The following UBE2G1 variants were observed in gnomAD, a reference collection of about 807,000 sequenced individuals.
UBE2G1 encodes the protein ubiquitin-conjugating enzyme E2 G1.
UBE2G1 carries 5 observed loss-of-function variants against 22.7 expected under a neutral mutation model. That is an observed-to-expected ratio of 0.22 (90% confidence interval 0.12 to 0.46). The LOEUF (loss-of-function observed/expected upper bound fraction) is 0.46, where lower values mean the gene tolerates loss of function less well. UBE2G1 is among the 20% of genes least tolerant of loss of function. The pLI is 0.99. For missense variants in UBE2G1, 88 were observed against 203.9 expected (o/e 0.43, Z 3.46); for synonymous variants, 74 against 67.5 (o/e 1.10, Z -0.47).
chr17:4,280,238 T>C (rs1434169351), intron 5 of UBE2G1, among the ~76,000 whole-genome samples: 2 of 150,630 alleles, frequency 1.3e-5, no homozygotes, highest in East Asian at 2.0e-4. Context: ...GGTTTCACCA[T>C]GTTGGCCAGG....
chr17:4,334,595 G>A (rs1969622779), intron 1 of UBE2G1, among the ~76,000 whole-genome samples: 1 of 152,122 alleles, frequency 6.6e-6, no homozygotes, highest in Non-Finnish European at 1.5e-5. Flanking sequence ...CTGGAGTGCA[G>A]TGGCACAATC....
intron 1 of UBE2G1, among the ~76,000 whole-genome samples, chr17:4,336,565 C>G: frequency 6.6e-6 from 1 of 151,918 alleles, no homozygotes; most frequent in Non-Finnish European, 1.5e-5. Flanking sequence ...GGGTCTTGCT[C>G]TGTTGCCCAG....
intron 1 of UBE2G1, among the ~76,000 whole-genome samples, chr17:4,363,796 CA>C (rs1167231445): frequency 6.6e-6 from 1 of 151,276 alleles, no homozygotes; most frequent in Non-Finnish European, 1.5e-5. Context: ...ACTGAAAATA[CA>C]AAAAATTAGC....
chr17:4,362,203 G>T (rs1359540233), intron 1 of UBE2G1, among the ~76,000 whole-genome samples: 1 of 152,162 alleles, frequency 6.6e-6, no homozygotes, highest in Non-Finnish European at 1.5e-5. Flanking sequence ...AAAGGAGTAA[G>T]TCATAGTCTA....
At chr17:4,277,792 C>T (rs1264378226) in intron 5 of UBE2G1, among the ~76,000 whole-genome samples, 1 of 152,120 alleles carries the variant, frequency 6.6e-6, no homozygotes, top group African/African-American at 2.4e-5. Context: ...ACTGAAAACA[C>T]AAAAAATACT....
At chr17:4,334,616 G>GC (rs918697420) in intron 1 of UBE2G1, among the ~76,000 whole-genome samples, 1 of 152,106 alleles carries the variant, frequency 6.6e-6, no homozygotes, top group Admixed American at 6.6e-5. Context: ...TCAGCTCACT[G>GC]CAACTTCTGC....
chr17:4,349,514 A>T (rs1050055487), intron 1 of UBE2G1, among the ~76,000 whole-genome samples: 19 of 574 alleles, frequency 0.033, no homozygotes, highest in South Asian at 0.2. Context: ...ATTGTTTTTA[A>T]AAAAAAAACA....
chr17:4,307,426 C>T (rs1266866310), intron 1 of UBE2G1, among the ~76,000 whole-genome samples: 3 of 152,094 alleles, frequency 2.0e-5, no homozygotes, highest in Non-Finnish European at 2.9e-5. Flanking sequence ...TATCCAGGCC[C>T]GTCCCCCAGA....
chr17:4,273,989 C>A (rs938372205), intron 5 of UBE2G1, among the ~76,000 whole-genome samples: 3 of 151,838 alleles, frequency 2.0e-5, no homozygotes, highest in African/African-American at 7.3e-5. Context: ...TATGAACTTA[C>A]CAATTTTTTT....
chr17:4,346,701 T>C (rs1969779339), intron 1 of UBE2G1, among the ~76,000 whole-genome samples: 1 of 151,578 alleles, frequency 6.6e-6, no homozygotes, highest in Admixed American at 6.6e-5. Context: ...CCCAAAGTGC[T>C]GTGATTACAG....
chr17:4,329,033 G>A (rs1012354895), intron 1 of UBE2G1, among the ~76,000 whole-genome samples: 3 of 151,302 alleles, frequency 2.0e-5, no homozygotes, highest in African/African-American at 7.3e-5. Context: ...GTGAACCCGG[G>A]AGGTGGAGCT....
chr17:4,279,797 A>ATGAACC (rs1968864159), intron 5 of UBE2G1, among the ~76,000 whole-genome samples: 1 of 5,994 alleles, frequency 1.7e-4, no homozygotes, highest in Non-Finnish European at 1.4e-3. Flanking sequence ...ATATATATAT[A>ATGAACC]TATATATATA....
At chr17:4,295,864 C>T (rs187738350) in intron 3 of UBE2G1, among the ~76,000 whole-genome samples, 15 of 148,502 alleles carry the variant, frequency 1.0e-4, no homozygotes, top group Admixed American at 6.1e-4. Flanking sequence ...GAACTGCCAC[C>T]GTGTGGATTT....
chr17:4,280,783 G>A lies in UBE2G1; in HGVS notation c.*37+2015C>T, dbSNP rs539024880. 1.1e-4 allele frequency among the ~76,000 whole-genome samples: 16 copies of A among 151,900 alleles called. No homozygotes were observed. In the South Asian group the frequency reaches 2.1e-3, roughly 20 times the overall value. ...CTCCTAACTGGGACAACAGGCGCACGCCACTGTGCCTGGCTAATTTTTTAT... is the reference window on the plus strand; with the variant it reads ...CTCCTAACTGGGACAACAGGCGCACACCACTGTGCCTGGCTAATTTTTTAT... On this transcript the variant is annotated intron_variant, in intron 5 of 5. Coordinates refer to ENST00000396981, the MANE Select transcript of UBE2G1 (RefSeq NM_003342.5).
In UBE2G1 at chr17:4,289,046, T is replaced by A. The variant is rs934469884; in HGVS notation, c.426+184A>T. 3.4e-4 allele frequency among the ~76,000 whole-genome samples: 52 copies of A among 151,332 alleles called. 1 individual carries two copies. Among genetic ancestry groups the A allele is most frequent in the Admixed American group, 2.8e-3 (42 of 15,164 alleles). ...CAGAGAGACCCTGTCTCAAAAAAAA[T>A]AAAATAAATACGTAAATAAATATAT... On this transcript the variant is annotated intron_variant, in intron 4 of 5. Transcript: ENST00000396981.
chr17:4,345,028 A>T (rs575562995), intron 1 of UBE2G1, among the ~76,000 whole-genome samples: 27 of 152,346 alleles, frequency 1.8e-4, no homozygotes, highest in Admixed American at 6.5e-5. Context: ...TGAAAATTTT[A>T]AATGAGCTTT....
intron 1 of UBE2G1, among the ~76,000 whole-genome samples, chr17:4,357,961 A>T (rs895943070): frequency 1.3e-5 from 2 of 152,066 alleles, no homozygotes; most frequent in African/African-American, 4.8e-5. Context: ...TTTAAAAGAT[A>T]TATGTAGACA....
intron 1 of UBE2G1, among the ~76,000 whole-genome samples, chr17:4,344,935 G>C (rs1969752692): frequency 6.6e-6 from 1 of 152,154 alleles, no homozygotes; most frequent in South Asian, 2.1e-4. Context: ...CCTGCCTTCA[G>C]AAATTTCCCA....
chr17:4,292,836 G>A (rs189403983), intron 3 of UBE2G1, among the ~76,000 whole-genome samples: 1 of 152,194 alleles, frequency 6.6e-6, no homozygotes, highest in Admixed American at 6.5e-5. Flanking sequence ...TAACTTCCAA[G>A]GCCCTTAAGC....
Sources: gnomAD v4.1 joint callset for allele counts (sites outside exome capture counted in the v4.1 genomes callset) on GRCh38, gnomAD v4.1.1 for gene constraint, MANE v1.5 for transcripts, NCBI Gene and HGNC (gene_info 2026-07-23, HGNC 2026-07-21) for gene names.